EPB41L2: variants seen among roughly 807,000 people sequenced by gnomAD.
EPB41L2 encodes erythrocyte membrane protein band 4.1 like 2.
EPB41L2 carries 43 observed loss-of-function variants against 113.0 expected under a neutral mutation model. The ratio of observed to expected loss-of-function variants is 0.38; its 90% CI spans 0.30 to 0.49. EPB41L2 has a LOEUF of 0.49. Ranked by LOEUF, EPB41L2 falls within the 20% of genes least tolerant of loss-of-function variation. The pLI is 0.95. For synonymous variants in EPB41L2, 442 were observed against 436.7 expected, an observed-to-expected ratio of 1.01 and a Z score of -0.15; for missense variants, 1,147 against 1,223.4, an observed-to-expected ratio of 0.94 and a Z score of 0.93.
chr6:130,876,406 C>T (rs533081894), intron 14 of EPB41L2, among the ~76,000 whole-genome samples: 6 of 152,216 alleles, frequency 3.9e-5, no homozygotes, highest in African/African-American at 1.4e-4. Flanking sequence ...CAGCCACATA[C>T]ATCAAATTAG....
intron 3 of EPB41L2, among the ~76,000 whole-genome samples, chr6:130,931,164 G>T (rs12662602): frequency 6.6e-6 from 1 of 152,014 alleles, no homozygotes; most frequent in African/African-American, 2.4e-5. Flanking sequence ...AATATTAAAA[G>T]AAACAACGCT....
At position 130,858,198 on chromosome 6, in the gene EPB41L2, T is replaced by A; in HGVS notation, c.2956A>T (p.Met986Leu). 1 of 1,614,020 alleles carries A rather than the reference T, an allele frequency of 6.2e-7. No individual in the cohort carries two copies. The highest frequency in any genetic ancestry group is 8.5e-7 in the Non-Finnish European group (1 of 1,179,928). The change falls in exon 19 of 20, where the codon ATG (methionine) becomes TTG (leucine). Residue 986 changes from methionine to leucine, a missense_variant. By Grantham distance (15) the Met-to-Leu change is conservative. Coordinates refer to ENST00000337057, the MANE Select transcript of EPB41L2 (RefSeq NM_001431.4). ...IREAREQHPD[M>L]SVTRVVVHKE... ...TGTACCACCACTCTTGTGACCGACA[T>A]GTCAGGGTGCTGCTCTCTGGCTTCC...
intron 1 of EPB41L2, among the ~76,000 whole-genome samples, chr6:130,984,664 T>C (rs117136901): frequency 0.011 from 1,615 of 152,296 alleles, 24 homozygotes; most frequent in South Asian, 0.016. Flanking sequence ...TGTAAATGCA[T>C]TTTTAAAAAG....
At chr6:130,935,628 C>CT (rs1808524664) in intron 3 of EPB41L2, among the ~76,000 whole-genome samples, 2 of 152,120 alleles carry the variant, frequency 1.3e-5, no homozygotes, top group Admixed American at 6.6e-5. Context: ...GATATGGCCC[C>CT]TTTTTTTAAA....
chr6:131,023,881 A>G (rs544980989), intron 1 of EPB41L2, among the ~76,000 whole-genome samples: 1 of 151,986 alleles, frequency 6.6e-6, no homozygotes, highest in Non-Finnish European at 1.5e-5. Context: ...TAAAACAAAT[A>G]TTGGAGAAAA....
intron 1 of EPB41L2, among the ~76,000 whole-genome samples, chr6:131,061,221 G>A (rs903082083): frequency 1.3e-5 from 2 of 152,074 alleles, no homozygotes; most frequent in African/African-American, 2.4e-5. Flanking sequence ...TCTTGTTCTC[G>A]GCAGTCTGTC....
chr6:130,865,444 T>C, intron 17 of EPB41L2, 92 bp downstream of exon 17: 1 of 1,267,366 alleles, frequency 7.9e-7, no homozygotes, highest in Non-Finnish European at 1.1e-6. Flanking sequence ...TGTATCTTAC[T>C]TGGAAGTGTG....
chr6:131,023,758 TATATAG>T (rs1790154436), intron 1 of EPB41L2, among the ~76,000 whole-genome samples: 7 of 63,906 alleles, frequency 1.1e-4, no homozygotes, highest in South Asian at 1.2e-3. Flanking sequence ...TATATATAGA[TATATAG>T]ATATATAGAT....
At chr6:130,894,491 A>G in intron 9 of EPB41L2, 50 bp from the exon 10 acceptor site, 6 of 1,528,050 alleles carry the variant, frequency 3.9e-6, no homozygotes, top group Non-Finnish European at 5.4e-6. Context: ...AGAACTGACT[A>G]GAAGTTACTG....
intron 1 of EPB41L2, among the ~76,000 whole-genome samples, chr6:131,049,821 A>G (rs1796180654): frequency 1.3e-5 from 2 of 152,224 alleles, no homozygotes; most frequent in African/African-American, 2.4e-5. Context: ...ACACAAATAT[A>G]TAAAAGCTAC....
chr6:130,872,835 T>C (rs138944480), intron 14 of EPB41L2, among the ~76,000 whole-genome samples: 2,515 of 152,284 alleles, frequency 0.017, 21 homozygotes, highest in Middle Eastern at 0.044. Context: ...TTTCATATAT[T>C]CTTGAGGTAG....
chr6:131,055,273 A>G (rs1172369758), intron 1 of EPB41L2, among the ~76,000 whole-genome samples: 3 of 152,196 alleles, frequency 2.0e-5, no homozygotes, highest in Non-Finnish European at 4.4e-5. Flanking sequence ...AAAGTGCAAA[A>G]CCACAGGAAA....
intron 19 of EPB41L2, among the ~76,000 whole-genome samples, chr6:130,843,446 T>A (rs892249638): frequency 1.3e-5 from 2 of 152,230 alleles, no homozygotes; most frequent in African/African-American, 2.4e-5. Context: ...TAAGCTTGAA[T>A]TCTACTCATA....
intron 11 of EPB41L2, among the ~76,000 whole-genome samples, chr6:130,887,927 G>C (rs917379177): frequency 6.6e-6 from 1 of 152,074 alleles, no homozygotes; most frequent in Admixed American, 6.5e-5. Context: ...GGGACTCCCT[G>C]TCCTAAAACA....
At chr6:131,038,067 A>G (rs1003597367) in intron 1 of EPB41L2, among the ~76,000 whole-genome samples, 5 of 152,164 alleles carry the variant, frequency 3.3e-5, no homozygotes, top group African/African-American at 1.2e-4. Flanking sequence ...GTGGATCTTC[A>G]TTTTTATATT....
chr6:131,047,544 T>G (rs750820863), intron 1 of EPB41L2, among the ~76,000 whole-genome samples: 22 of 152,218 alleles, frequency 1.4e-4, no homozygotes, highest in Non-Finnish European at 2.9e-4. Context: ...AAATCCTGCC[T>G]GTTATTTAGG....
At chr6:130,971,055 G>T (rs766758222) in intron 1 of EPB41L2, among the ~76,000 whole-genome samples, 4 of 152,020 alleles carry the variant, frequency 2.6e-5, no homozygotes, top group African/African-American at 7.2e-5. Flanking sequence ...GCCACGCCCA[G>T]CTGATTTTTT....
chr6:130,941,168 CCTTAA>C (rs1583689495), intron 3 of EPB41L2, among the ~76,000 whole-genome samples: 1 of 152,024 alleles, frequency 6.6e-6, no homozygotes, highest in Admixed American at 6.6e-5. Context: ...AATATGACTT[CCTTAA>C]CTTCTCATTT....
At chr6:130,890,186 A>G in intron 11 of EPB41L2, 108 bp downstream of exon 11, 1 of 1,142,786 alleles carries the variant, frequency 8.8e-7, no homozygotes, top group Non-Finnish European at 1.2e-6. Flanking sequence ...AAAAATGGCT[A>G]TCCCTGTAGG....
Sources: allele counts gnomAD v4.1 joint callset (sites outside exome capture counted in the v4.1 genomes callset), GRCh38; gene constraint gnomAD v4.1.1; transcripts MANE v1.5; gene names NCBI Gene and HGNC (gene_info 2026-07-23, HGNC 2026-07-21).